TCEANC2: variants seen among roughly 807,000 people sequenced by gnomAD.
TCEANC2 encodes transcription elongation factor A N-terminal and central domain containing 2.
A neutral mutation model predicts 22.8 loss-of-function variants in TCEANC2; 20 were observed. The observed-to-expected ratio is 0.88, with a 90% CI of 0.62 to 1.28. The LOEUF is 1.28. TCEANC2 is among the 50% of genes most tolerant of loss of function. The pLI is 0.00. For synonymous variants in TCEANC2, 84 were observed against 95.5 expected (o/e 0.88, Z 0.70); for missense variants, 251 against 249.7 (o/e 1.01, Z -0.03).
rs1658636452 is a variant in TCEANC2, at chr1:54,100,247, A to G, written c.*3774A>G. On this transcript the variant is annotated 3_prime_UTR_variant, in exon 5 of 5. Transcript: ENST00000234827. ...AGCAAGACTCACCTCAGTCTCAAAGATAAAATAAAATAAAAATAAATAAAT... is the reference window on the plus strand; with the variant it reads ...AGCAAGACTCACCTCAGTCTCAAAGGTAAAATAAAATAAAAATAAATAAAT... 6.6e-6 allele frequency: 1 copy of G among 152,188 alleles called. No homozygotes were observed. The highest frequency in any genetic ancestry group is 2.4e-5 in the African/African-American group (1 of 41,444). 9.4% of individuals were successfully genotyped at this position (152,188 alleles called of 1,614,324 possible).
chr1:54,064,316 C>T (rs367654327), intron 2 of TCEANC2, among the ~76,000 whole-genome samples: 9 of 152,276 alleles, frequency 5.9e-5, no homozygotes, highest in East Asian at 5.8e-4. Context: ...AAGAATTGGA[C>T]AGAATGCGTA....
At chr1:54,056,317 C>CTTT (rs59118907) in intron 2 of TCEANC2, among the ~76,000 whole-genome samples, 4 of 148,808 alleles carry the variant, frequency 2.7e-5, no homozygotes, top group African/African-American at 1.0e-4. Context: ...CTTTTCTTTT[C>CTTT]TTTTTTTTTG....
In TCEANC2 at chr1:54,103,398, G is replaced by C. The variant is rs1457651208; in HGVS notation, c.*6925G>C. 6.7e-6 allele frequency: 1 copy of C among 150,260 alleles called. No individual in the cohort carries two copies. Among genetic ancestry groups the C allele is most frequent in the African/African-American group, 2.5e-5 (1 of 39,442 alleles). 9.3% of individuals were successfully genotyped at this position (150,260 alleles called of 1,614,324 possible). A position where few individuals can be genotyped will look rare whatever the true frequency, so the allele number is the denominator to read the frequency against. On this transcript the variant is annotated 3_prime_UTR_variant, in exon 5 of 5. Transcript: ENST00000234827. Reference sequence around the variant, plus strand: ...GCATCTTCTTCACAAGACAGCAGGGGAGAGAGAGAGTGCAAAGGGGGAACT... The same window carrying C: ...GCATCTTCTTCACAAGACAGCAGGGCAGAGAGAGAGTGCAAAGGGGGAACT...
chr1:54,067,940 T>A (rs1381527785), intron 2 of TCEANC2, among the ~76,000 whole-genome samples: 4 of 152,190 alleles, frequency 2.6e-5, no homozygotes, highest in East Asian at 1.9e-4. Context: ...TTGTGTGTAG[T>A]TGTAAAAGCA....
intron 3 of TCEANC2, among the ~76,000 whole-genome samples, chr1:54,077,423 T>C (rs1658162937): frequency 7.3e-6 from 1 of 137,076 alleles, no homozygotes; most frequent in Non-Finnish European, 1.7e-5. Context: ...CACTATTCTC[T>C]CAGGACACAA....
downstream of TCEANC2, among the ~76,000 whole-genome samples, chr1:54,108,920 C>T (rs576569001): frequency 3.9e-4 from 60 of 152,048 alleles, 1 homozygote; most frequent in African/African-American, 1.4e-3. Context: ...TGCAGTGAGC[C>T]GAGATCGCAC....
rs1437936319 is a variant in TCEANC2 at position 54,053,983 on chromosome 1, GAT to G, written c.-43+226_-43+227del. Reference sequence around the variant, plus strand: ...TGCTGATTACCAGGGCAACCCTTGGGATTATGGCTGTGGTGAGGTGGTTGTTA... The same window carrying G: ...TGCTGATTACCAGGGCAACCCTTGGGTATGGCTGTGGTGAGGTGGTTGTTA... On this transcript the variant is annotated intron_variant, in intron 1 of 4. Transcript: ENST00000234827. 1.0e-4 allele frequency: 19 copies of G among 190,922 alleles called. No homozygotes were observed. In the Admixed American group the frequency reaches 1.0e-3, roughly 10 times the overall value. The allele number at this position is 190,922 out of a possible 1,614,324, so 11.8% of individuals were successfully genotyped here. A position where few individuals can be genotyped will look rare whatever the true frequency, so the allele number is the denominator to read the frequency against.
intron 2 of TCEANC2, among the ~76,000 whole-genome samples, chr1:54,057,040 T>A (rs1473849178): frequency 6.3e-5 from 9 of 141,766 alleles, no homozygotes; most frequent in African/African-American, 1.0e-4. Flanking sequence ...AGACACCATT[T>A]AAAAAAAAAA....
chr1:54,090,635 A>G (rs993456920), intron 4 of TCEANC2, among the ~76,000 whole-genome samples: 1 of 152,190 alleles, frequency 6.6e-6, no homozygotes, highest in Non-Finnish European at 1.5e-5. Context: ...AGGTTCACTT[A>G]ACTTTTCCTA....
downstream of TCEANC2, among the ~76,000 whole-genome samples, chr1:54,110,604 A>C (rs1658824120): frequency 6.6e-6 from 1 of 151,734 alleles, no homozygotes; most frequent in Non-Finnish European, 1.5e-5. Context: ...ACCTTGTCTC[A>C]AACAAAACAA....
chr1:54,060,265 C>T (rs751754886), intron 2 of TCEANC2, among the ~76,000 whole-genome samples: 8 of 152,176 alleles, frequency 5.3e-5, no homozygotes, highest in African/African-American at 9.6e-5. Flanking sequence ...ATTAGCTGGG[C>T]GTGGTCGCGC....
rs1157586491 is a variant in TCEANC2 at position 54,088,746 on chromosome 1, A to G, written c.394A>G (p.Arg132Gly). 5.0e-6 allele frequency: 8 copies of G among 1,596,484 alleles called. No homozygotes were observed. In the East Asian group the frequency reaches 1.8e-4, roughly 36 times the overall value. The change falls in exon 4 of 5, where the codon AGG becomes GGG. Residue 132 changes from arginine (R) to glycine (G), a missense_variant. Arg to Gly is a moderately radical substitution (Grantham distance 125, BLOSUM62 -2). Transcript: ENST00000234827. ...AAGTGATCCCAAAACCGAGTCGTTG[A>G]GGAAAAATGCTCAGAAATTACTCTC... ...VRSDPKTESL[R>G]KNAQKLLSEA...
intron 2 of TCEANC2, among the ~76,000 whole-genome samples, chr1:54,065,786 G>GA (rs995102465): frequency 6.6e-5 from 10 of 151,204 alleles, no homozygotes; most frequent in Non-Finnish European, 1.5e-4. Flanking sequence ...ACCATAGAGG[G>GA]AAAAAAAAGG....
At chr1:54,111,034 T>G (rs1658831039), downstream of TCEANC2, 1 of 152,242 alleles carries the variant, frequency 6.6e-6, no homozygotes. Flanking sequence ...TTGCTAATTT[T>G]TTTGCTTCTC....
chr1:54,095,249 T>C lies in TCEANC2; in HGVS notation c.439-1036T>C, dbSNP rs144382503. Among the ~76,000 whole-genome samples the C allele has an allele frequency of 1.3e-3, 197 of 152,226 alleles. 1 individual carries two copies. The Middle Eastern group carries it at 0.014, about 11-fold the overall frequency. On this transcript the variant is annotated intron_variant, in intron 4 of 4. Transcript: ENST00000234827. ...GAGCTTTCAGTCCTTTGCACTGGGGTCTTTTTGTTTGGTTGTTTTTGCCTC... is the reference window on the plus strand; with the variant it reads ...GAGCTTTCAGTCCTTTGCACTGGGGCCTTTTTGTTTGGTTGTTTTTGCCTC...
chr1:54,054,445 C>A lies in TCEANC2; in HGVS notation c.23C>A (p.Thr8Lys). 6.2e-7 allele frequency: 1 copy of A among 1,614,070 alleles called. No individual in the cohort carries two copies. Among genetic ancestry groups the A allele is most frequent in the South Asian group, 1.1e-5 (1 of 91,070 alleles). Residue 8 changes from threonine to lysine, a missense_variant, in exon 2 of 5, where the codon ACG becomes AAG. Thr to Lys is a moderately conservative substitution (Grantham distance 78, BLOSUM62 -1). Transcript: ENST00000234827. MDKFVIR[T>K]PRIQNSPQKK... ...ACAATGGATAAATTCGTCATTCGAA[C>A]GCCTAGAATCCAGAATAGCCCTCAG... is the stretch of plus-strand genomic sequence containing the variant.
downstream of TCEANC2, among the ~76,000 whole-genome samples, chr1:54,106,348 A>G (rs536897561): frequency 1.1e-4 from 16 of 152,340 alleles, no homozygotes; most frequent in South Asian, 2.9e-3. Context: ...TATAACACAA[A>G]CCACATATGT....
chr1:54,103,226 TGTA>T lies in TCEANC2; in HGVS notation c.*6759_*6761del, dbSNP rs1286978727. 6.6e-6 allele frequency: 1 copy of T among 152,248 alleles called. No individual in the cohort carries two copies. The highest frequency in any genetic ancestry group is 1.5e-5 in the Non-Finnish European group (1 of 68,092). The allele number at this position is 152,248 out of a possible 1,614,324, so 9.4% of individuals were successfully genotyped here. On this transcript the variant is annotated 3_prime_UTR_variant, in exon 5 of 5. Coordinates refer to ENST00000234827, the MANE Select transcript of TCEANC2 (RefSeq NM_153035.3). ...GGTGTATAAACAGCAACCATGGTGG[TGTA>T]GTAGTCCATTTTCACACTGCTATAA...
In TCEANC2 at chr1:54,096,276, GT is replaced by G; in HGVS notation, c.439-3del. 1 of 1,582,436 alleles carries G rather than the reference GT, an allele frequency of 6.3e-7. No individual in the cohort carries two copies. Among genetic ancestry groups the G allele is most frequent in the South Asian group, 1.1e-5 (1 of 89,892 alleles). On this transcript the variant is annotated splice_polypyrimidine_tract_variant and splice_region_variant and intron_variant, in intron 4 of 4. Transcript: ENST00000234827. The surrounding 1 kb of genome is among the most constrained non-coding windows in gnomAD (Gnocchi z 4.9). ...AAGGCTCTAATTTGATAATTTTGCT[GT>G]TTTTTAGATGGATCACCTACTGGTT...
Sources: allele counts gnomAD v4.1 joint callset (sites outside exome capture counted in the v4.1 genomes callset), GRCh38; gene constraint gnomAD v4.1.1; non-coding constraint Gnocchi (gnomAD v3.1); transcripts MANE v1.5; gene names NCBI Gene and HGNC (gene_info 2026-07-23, HGNC 2026-07-21).